Variants in PADI1 observed in about 807,000 individuals in gnomAD.
PADI1 encodes the protein peptidyl arginine deiminase 1, also known as protein-arginine deiminase type-1.
A neutral mutation model predicts 74.8 loss-of-function variants in PADI1; 65 were observed. The observed-to-expected ratio is 0.87, with a 90% CI of 0.71 to 1.07. The LOEUF (loss-of-function observed/expected upper bound fraction) is 1.07. PADI1 is among the 50% of genes least tolerant of loss of function. PADI1 has a pLI of 0.00. For missense variants in PADI1, 943 were observed against 854.0 expected, an observed-to-expected ratio of 1.10 and a Z score of -1.30; for synonymous variants, 371 against 336.2, an observed-to-expected ratio of 1.10 and a Z score of -1.13.
rs756516910 is a variant in PADI1, at chr1:17,225,820, C to T, written c.418C>T (p.Arg140Cys). 9 of 1,613,570 alleles carry T rather than the reference C, an allele frequency of 5.6e-6. No homozygotes were observed. Among genetic ancestry groups the T allele is most frequent in the African/African-American group, 2.7e-5 (2 of 74,896 alleles). Reference sequence around the variant, plus strand: ...TCTTATTTTGCCACAGAAAACCTGGCGCTGGGGCCCTGAGGGCTATGGGGC... The same window carrying T: ...TCTTATTTTGCCACAGAAAACCTGGTGCTGGGGCCCTGAGGGCTATGGGGC... ...KRSQGDKKTW[R>C]WGPEGYGAIL... The change falls in exon 5 of 16, where the codon CGC (arginine) becomes TGC (cysteine). Residue 140 changes from arginine (R) to cysteine (C), a missense_variant. Arg to Cys is a radical substitution (Grantham distance 180). Transcript: ENST00000375471.
At chr1:17,237,247 A>AGGAC in intron 11 of PADI1, 67 bp from the exon 12 acceptor site, 1 of 1,506,304 alleles carries the variant, frequency 6.6e-7, no homozygotes, top group Non-Finnish European at 8.9e-7. Context: ...AGATCTGATG[A>AGGAC]TGACTCAGGC....
At chr1:17,208,887 T>A (rs529521560) in intron 1 of PADI1, among the ~76,000 whole-genome samples, 1 of 152,292 alleles carries the variant, frequency 6.6e-6, no homozygotes, top group East Asian at 1.9e-4. Context: ...ACCTTTATTC[T>A]TTGGGATGCA....
At chr1:17,220,425 G>T (rs116086485) in intron 1 of PADI1, among the ~76,000 whole-genome samples, 3 of 152,094 alleles carry the variant, frequency 2.0e-5, no homozygotes, top group Non-Finnish European at 4.4e-5. Context: ...GGATGAAGGC[G>T]GGAGAATATG....
rs1172212108 is a variant in PADI1 at position 17,245,134 on chromosome 1, G to A, written c.*891G>A. On this transcript the variant is annotated 3_prime_UTR_variant, in exon 16 of 16. Coordinates refer to ENST00000375471, the MANE Select transcript of PADI1 (RefSeq NM_013358.3). The surrounding 1 kb of genome is among the most constrained non-coding windows in gnomAD (Gnocchi z 4.1). The stretch of plus-strand genomic sequence containing the variant: ...AAGGGAGCTGGAGCTTCCAGATGTA[G>A]CAGGGGTAGGGGGCCAGATGTTAGA... 1 of 153,000 alleles carries A rather than the reference G, an allele frequency of 6.5e-6. No homozygotes were observed. The highest frequency in any genetic ancestry group is 1.5e-5 in the Non-Finnish European group (1 of 68,340). The allele number at this position is 153,000 out of a possible 1,614,324, so 9.5% of individuals were successfully genotyped here. A position where few individuals can be genotyped will look rare whatever the true frequency, so the allele number is the denominator to read the frequency against.
chr1:17,230,303 C>T, intron 9 of PADI1, 95 bp downstream of exon 9: 1 of 1,474,592 alleles, frequency 6.8e-7, no homozygotes, highest in Non-Finnish European at 9.1e-7. Flanking sequence ...CTAGAGAAGC[C>T]ACGGCAGCCT....
intron 1 of PADI1, among the ~76,000 whole-genome samples, chr1:17,220,125 T>G (rs2072095972): frequency 2.7e-5 from 4 of 146,578 alleles, no homozygotes; most frequent in East Asian, 2.1e-4. Flanking sequence ...AGGCCAGGAG[T>G]GGGGGATGGG....
At chr1:17,215,641 C>A (rs2071957380) in intron 1 of PADI1, among the ~76,000 whole-genome samples, 3 of 152,202 alleles carry the variant, frequency 2.0e-5, no homozygotes, top group Admixed American at 1.3e-4. Context: ...ACTCATGGGC[C>A]AGGCCGACTG....
intron 1 of PADI1, among the ~76,000 whole-genome samples, chr1:17,207,876 C>T (rs1301434726): frequency 6.6e-6 from 1 of 152,220 alleles, no homozygotes; most frequent in African/African-American, 2.4e-5. Context: ...AACTAGGACA[C>T]AGAAGTTGAT....
chr1:17,206,204 G>T (rs2071678196), intron 1 of PADI1, among the ~76,000 whole-genome samples: 1 of 152,218 alleles, frequency 6.6e-6, no homozygotes, highest in Non-Finnish European at 1.5e-5. Flanking sequence ...GGAGCTGGGT[G>T]CTGGGGGTCT....
Position 17,237,518 on chromosome 1 carries a change from G to T in PADI1, c.1458+60G>T. 6.0e-6 allele frequency: 9 copies of T among 1,499,286 alleles called. No homozygotes were observed. The South Asian group carries it at 1.1e-4, about 18-fold the overall frequency. The allele number at this position is 1,499,286 out of a possible 1,614,324, so 92.9% of individuals were successfully genotyped here. On this transcript the variant is annotated intron_variant, in intron 12 of 15. Transcript: ENST00000375471. ...GCCCTTGTCTGACCTGATGGGATGA[G>T]TCAGGGCAAAGCCATCTGGAACCAG...
chr1:17,230,757 T>C (rs1005238265), intron 10 of PADI1, 78 bp downstream of exon 10: 8 of 775,048 alleles, frequency 1.0e-5, no homozygotes, highest in Admixed American at 2.3e-5. Context: ...CATCTGGACC[T>C]AGTCCTATAG....
chr1:17,230,248 T>G (rs2072449579), intron 9 of PADI1, 40 bp downstream of exon 9: 2 of 1,598,836 alleles, frequency 1.3e-6, no homozygotes, highest in Non-Finnish European at 1.7e-6. Context: ...GCAGCCTGGC[T>G]TGGGGAAAGG....
chr1:17,205,398 C>G (rs1041007393), intron 1 of PADI1, 89 bp downstream of exon 1: 1 of 974,132 alleles, frequency 1.0e-6, no homozygotes, highest in South Asian at 1.4e-5. Context: ...AAGTCAGGCA[C>G]GTTGGAAAGG....
At chr1:17,223,527 T>C in intron 2 of PADI1, 94 bp from the exon 3 acceptor site, 1 of 1,037,754 alleles carries the variant, frequency 9.6e-7, no homozygotes, top group Non-Finnish European at 1.5e-6. Context: ...CTCCTGTGCC[T>C]CTAAGTAGGG....
intron 8 of PADI1, 105 bp downstream of exon 8, chr1:17,229,156 G>A (rs1370155913): frequency 6.6e-6 from 5 of 752,894 alleles, no homozygotes; most frequent in Non-Finnish European, 1.1e-5. Context: ...GATTCATTGC[G>A]GGCACCCATT....
intron 15 of PADI1, 73 bp from the exon 16 acceptor site, chr1:17,243,937 T>C: frequency 1.9e-6 from 2 of 1,067,166 alleles, no homozygotes; most frequent in Non-Finnish European, 2.8e-6. Context: ...TGTCTCATTC[T>C]GGCAAGGAAG....
rs2072829007 is a variant in PADI1, at chr1:17,244,023, T to A, written c.1772T>A (p.Val591Asp). 26 of 1,613,570 alleles carry A rather than the reference T, an allele frequency of 1.6e-5. No individual in the cohort carries two copies. The highest frequency in any genetic ancestry group is 2.2e-5 in the Non-Finnish European group (26 of 1,179,546). The change falls in exon 16 of 16, where the codon GTC (valine) becomes GAC (aspartate). Residue 591 changes from valine (V) to aspartate (D), a missense_variant. By Grantham distance (152) the Val-to-Asp change is radical. Transcript: ENST00000375471. ...TCTCTTTTGCAGGTTAACATGGTGGTCTTAGGCAAGTACCTGGGCATCCCC... is the reference window on the plus strand; with the variant it reads ...TCTCTTTTGCAGGTTAACATGGTGGACTTAGGCAAGTACCTGGGCATCCCC... ...AFFPDMVNMV[V>D]LGKYLGIPKP...
At chr1:17,240,133 G>A in intron 14 of PADI1, 1 of 295,994 alleles carries the variant, frequency 3.4e-6, no homozygotes, top group Non-Finnish European at 6.5e-6. Flanking sequence ...AGGTGGGGTG[G>A]GTAAGATTCA....
intron 1 of PADI1, among the ~76,000 whole-genome samples, chr1:17,218,572 G>A (rs1046612369): frequency 1.3e-5 from 2 of 152,202 alleles, no homozygotes; most frequent in Non-Finnish European, 2.9e-5. Flanking sequence ...AGGGGAAGAA[G>A]AGAAAAGACC....
Sources: gnomAD v4.1 joint callset for allele counts (sites outside exome capture counted in the v4.1 genomes callset) on GRCh38, gnomAD v4.1.1 for gene constraint, Gnocchi (gnomAD v3.1) non-coding constraint, MANE v1.5 for transcripts, NCBI Gene and HGNC (gene_info 2026-07-23, HGNC 2026-07-21) for gene names.